The following CPNE4 variants were observed in gnomAD, a reference collection of about 807,000 sequenced individuals.
CPNE4 encodes copine 4, also known as copine-4.
CPNE4 carries 25 observed loss-of-function variants against 67.9 expected under a neutral mutation model. That is an observed-to-expected ratio of 0.37 (90% CI 0.27 to 0.51). CPNE4 has a LOEUF of 0.51. Among genes scored for constraint, CPNE4 ranks in the 20% least tolerant of loss-of-function variants. CPNE4 has a pLI of 0.93. For synonymous variants in CPNE4, 242 were observed against 244.9 expected (o/e 0.99, Z 0.11); for missense variants, 464 against 690.8 (o/e 0.67, Z 3.68).
At chr3:131,775,174 G>C (rs1230365622) in intron 2 of CPNE4, among the ~76,000 whole-genome samples, 2 of 152,124 alleles carry the variant, frequency 1.3e-5, no homozygotes, top group African/African-American at 4.8e-5. Flanking sequence ...AGAAGGCCCT[G>C]TGAAATGGCC....
In CPNE4 at chr3:131,575,048, G is replaced by T. The variant is rs750202965; in HGVS notation, c.927+23C>A. ...TCTTGATTCCTGAATAAGAATCAAG[G>T]AATCAACATGAAAACAACTTACTGT... On this transcript the variant is annotated intron_variant, in intron 10 of 15. Coordinates refer to ENST00000429747, the MANE Select transcript of CPNE4 (RefSeq NM_130808.3). 3 of 1,602,200 alleles carry T rather than the reference G, an allele frequency of 1.9e-6. No homozygotes were observed. In the African/African-American group the frequency reaches 4.0e-5, roughly 21 times the overall value.
intron 2 of CPNE4, among the ~76,000 whole-genome samples, chr3:131,754,050 T>C (rs185008571): frequency 2.0e-5 from 3 of 152,230 alleles, no homozygotes; most frequent in East Asian, 1.9e-4. Context: ...AACAAGAGCA[T>C]AGGCAGGAGA....
intron 2 of CPNE4, among the ~76,000 whole-genome samples, chr3:131,761,857 C>A (rs554259505): frequency 5.9e-5 from 9 of 152,216 alleles, no homozygotes; most frequent in African/African-American, 2.2e-4. Context: ...TCATAATTAT[C>A]TGGCTGAGAA....
chr3:131,852,016 C>G (rs2107646311), intron 2 of CPNE4, among the ~76,000 whole-genome samples: 1 of 152,134 alleles, frequency 6.6e-6, no homozygotes, highest in South Asian at 2.1e-4. Flanking sequence ...GCTGTAGGCA[C>G]TCTGACTTAT....
intron 11 of CPNE4, among the ~76,000 whole-genome samples, chr3:131,557,923 G>T (rs1399590665): frequency 6.6e-6 from 1 of 151,986 alleles, no homozygotes; most frequent in African/African-American, 2.4e-5. Flanking sequence ...AGTCAAAATA[G>T]AGAAACTGGG....
At chr3:131,903,922 T>C (rs540952697) in intron 2 of CPNE4, among the ~76,000 whole-genome samples, 1 of 152,102 alleles carries the variant, frequency 6.6e-6, no homozygotes, top group Non-Finnish European at 1.5e-5. Context: ...CCCCACTGTT[T>C]TTCCTAGAGC....
At chr3:131,621,592 A>G (rs1940469087) in intron 7 of CPNE4, among the ~76,000 whole-genome samples, 1 of 152,118 alleles carries the variant, frequency 6.6e-6, no homozygotes, top group South Asian at 2.1e-4. Flanking sequence ...CCTCTAGGCC[A>G]TTATCCCTCA....
chr3:131,585,019 C>T (rs184707502), intron 8 of CPNE4, among the ~76,000 whole-genome samples: 1 of 152,312 alleles, frequency 6.6e-6, no homozygotes, highest in African/African-American at 2.4e-5. Context: ...GGTCCTCAAT[C>T]ACACCAAGCT....
At chr3:132,037,590 C>T (rs2074362013), upstream of CPNE4, 1 of 1,536,014 alleles carries the variant, frequency 6.5e-7, no homozygotes, top group Non-Finnish European at 8.7e-7. Context: ...GGATTCTGAG[C>T]TGCTGGGTTC....
intron 1 of CPNE4, among the ~76,000 whole-genome samples, chr3:131,952,251 C>T (rs1313411644): frequency 6.6e-5 from 10 of 151,342 alleles, no homozygotes; most frequent in Admixed American, 1.3e-4. Flanking sequence ...TCTGCCCGGC[C>T]GCGAACCCGT....
intron 3 of CPNE4, among the ~76,000 whole-genome samples, chr3:131,703,487 T>G (rs531121058): frequency 3.1e-4 from 47 of 152,174 alleles, no homozygotes; most frequent in Non-Finnish European, 5.9e-4. Flanking sequence ...CCCACGGATC[T>G]GGGGAGAAGT....
At chr3:131,734,659 C>G (rs527838038) in intron 2 of CPNE4, among the ~76,000 whole-genome samples, 4 of 151,954 alleles carry the variant, frequency 2.6e-5, no homozygotes, top group Non-Finnish European at 5.9e-5. Context: ...GCCGAGGCAG[C>G]CAGATCCCTT....
At position 131,819,491 on chromosome 3, in the gene CPNE4, T is replaced by TACACAC. The variant is rs5852655; in HGVS notation, c.180+85767_180+85772dup. On this transcript the variant is annotated intron_variant, in intron 2 of 15. Transcript: ENST00000429747. ...CCACATTCACACAGACACACACAGA[T>TACACAC]ACACACACACACACACACACACACA... 2.8e-3 allele frequency among the ~76,000 whole-genome samples: 413 copies of TACACAC among 146,274 alleles called. 1 individual carries two copies. The highest frequency in any genetic ancestry group is 0.014 in the Middle Eastern group (4 of 282).
At chr3:131,797,989 A>G (rs572032139) in intron 2 of CPNE4, among the ~76,000 whole-genome samples, 2 of 152,272 alleles carry the variant, frequency 1.3e-5, no homozygotes, top group African/African-American at 2.4e-5. Flanking sequence ...TTTGCAGACA[A>G]CTGCTCTCTT....
At chr3:131,805,575 T>A (rs112494171) in intron 2 of CPNE4, among the ~76,000 whole-genome samples, 1,604 of 152,282 alleles carry the variant, frequency 0.011, 25 homozygotes, top group African/African-American at 0.037. Flanking sequence ...CAACTAGACA[T>A]TAACAGGGAC....
At chr3:131,556,140 G>A (rs1194252141) in intron 11 of CPNE4, among the ~76,000 whole-genome samples, 6 of 152,020 alleles carry the variant, frequency 3.9e-5, no homozygotes, top group Non-Finnish European at 8.8e-5. Context: ...TTGGGAGGCC[G>A]AGGTGGGTAG....
chr3:131,747,197 A>G (rs550299486), intron 2 of CPNE4, among the ~76,000 whole-genome samples: 26 of 150,824 alleles, frequency 1.7e-4, no homozygotes, highest in African/African-American at 5.9e-4. Flanking sequence ...TCAGATGTAT[A>G]GTTTGCAACT....
At chr3:131,831,402 A>C (rs2085363977) in intron 2 of CPNE4, among the ~76,000 whole-genome samples, 1 of 152,160 alleles carries the variant, frequency 6.6e-6, no homozygotes. Flanking sequence ...TGACACATTA[A>C]AATTAAATAT....
At chr3:131,909,169 A>G (rs1203702686) in intron 1 of CPNE4, among the ~76,000 whole-genome samples, 1 of 152,174 alleles carries the variant, frequency 6.6e-6, no homozygotes, top group Non-Finnish European at 1.5e-5. Flanking sequence ...GTGGATTCAT[A>G]CACATGAGCC....
Sources: gnomAD v4.1 joint callset for allele counts (sites outside exome capture counted in the v4.1 genomes callset) on GRCh38, gnomAD v4.1.1 for gene constraint, MANE v1.5 for transcripts, NCBI Gene and HGNC (gene_info 2026-07-23, HGNC 2026-07-21) for gene names.